Variants in CSMD1 observed in about 807,000 individuals in gnomAD.
The protein encoded by CSMD1 is CUB and Sushi multiple domains 1.
A neutral mutation model predicts 417.5 loss-of-function variants in CSMD1; 213 were observed. The ratio of observed to expected loss-of-function variants is 0.51; its 90% CI spans 0.46 to 0.57. CSMD1 has a LOEUF of 0.57. Ranked by LOEUF, CSMD1 falls within the 20% of genes least tolerant of loss-of-function variation. CSMD1 has a pLI of 0.00. For synonymous variants in CSMD1, 2,862 were observed against 1,736.8 expected (o/e 1.65, Z -16.11); for missense variants, 6,923 against 4,529.7 (o/e 1.53, Z -15.17).
chr8:3,417,210 A>G (rs184872347), intron 12 of CSMD1, among the ~76,000 whole-genome samples: 84 of 152,348 alleles, frequency 5.5e-4, no homozygotes, highest in Admixed American at 4.8e-3. Context: ...TAGATGTACT[A>G]TGATGATGTT....
chr8:4,265,105 A>C, intron 3 of CSMD1, among the ~76,000 whole-genome samples: 1 of 152,154 alleles, frequency 6.6e-6, no homozygotes, highest in African/African-American at 2.4e-5. Context: ...AGCTCTTCAA[A>C]TTAAGTTGAA....
At chr8:4,658,844 G>C (rs983315445) in intron 1 of CSMD1, among the ~76,000 whole-genome samples, 1 of 152,116 alleles carries the variant, frequency 6.6e-6, no homozygotes, top group Admixed American at 6.6e-5. Flanking sequence ...ATGTTCCTAT[G>C]TGAACATGGT....
intron 3 of CSMD1, among the ~76,000 whole-genome samples, chr8:4,215,731 C>T (rs1447274868): frequency 1.3e-5 from 2 of 152,110 alleles, no homozygotes; most frequent in Non-Finnish European, 2.9e-5. Flanking sequence ...TGTGAATCTT[C>T]ATGAGTAATA....
intron 3 of CSMD1, among the ~76,000 whole-genome samples, chr8:4,324,818 G>C (rs1037258331): frequency 3.9e-5 from 6 of 152,292 alleles, no homozygotes; most frequent in East Asian, 1.9e-4. Context: ...TGTCTTGCTA[G>C]AGAACATAAG....
chr8:3,547,824 GCAAA>G (rs1798739735), intron 10 of CSMD1, among the ~76,000 whole-genome samples: 1 of 152,088 alleles, frequency 6.6e-6, no homozygotes, highest in Non-Finnish European at 1.5e-5. Context: ...TTAAAGACAT[GCAAA>G]CAAAGTTTTT....
chr8:3,702,095 G>A (rs1303596877), intron 7 of CSMD1: 4 of 152,030 alleles, frequency 2.6e-5, no homozygotes, highest in Non-Finnish European at 5.9e-5. Flanking sequence ...TTATAATGTT[G>A]TGTTGTTATT....
chr8:4,237,774 A>G (rs914115227), intron 3 of CSMD1, among the ~76,000 whole-genome samples: 5 of 152,160 alleles, frequency 3.3e-5, no homozygotes, highest in African/African-American at 4.8e-5. Flanking sequence ...CAGCACCTCA[A>G]AGTGCTGAGA....
At chr8:3,928,482 G>A (rs1809906638) in intron 5 of CSMD1, among the ~76,000 whole-genome samples, 1 of 151,960 alleles carries the variant, frequency 6.6e-6, no homozygotes, top group Non-Finnish European at 1.5e-5. Flanking sequence ...AAATAAAAAT[G>A]CAGTTAAGTG....
At chr8:3,984,044 C>T (rs934156969) in intron 5 of CSMD1, among the ~76,000 whole-genome samples, 1 of 65,832 alleles carries the variant, frequency 1.5e-5, no homozygotes, top group African/African-American at 5.4e-5. Context: ...CACGGCAGAT[C>T]TGATGGGGCT....
chr8:3,818,223 C>A (rs1445109209), intron 5 of CSMD1, among the ~76,000 whole-genome samples: 1 of 152,024 alleles, frequency 6.6e-6, no homozygotes, highest in Admixed American at 6.5e-5. Context: ...GCAGAGCCCA[C>A]CCCAAGATGC....
chr8:3,771,244 C>A (rs377022963), intron 5 of CSMD1, among the ~76,000 whole-genome samples: 28 of 152,106 alleles, frequency 1.8e-4, no homozygotes, highest in African/African-American at 6.8e-4. Flanking sequence ...GTGTTTGGCT[C>A]CGTGAGCCAC....
At chr8:4,270,698 C>A (rs990553940) in intron 3 of CSMD1, among the ~76,000 whole-genome samples, 1 of 152,142 alleles carries the variant, frequency 6.6e-6, no homozygotes, top group African/African-American at 2.4e-5. Context: ...ACCGTCTGAT[C>A]CTTATTTTCA....
intron 2 of CSMD1, among the ~76,000 whole-genome samples, chr8:4,440,616 T>C (rs1798412847): frequency 6.6e-6 from 1 of 152,224 alleles, no homozygotes; most frequent in Admixed American, 6.5e-5. Context: ...AGATAGGTAG[T>C]ACCATGCAAT....
rs1201340560 is a variant in CSMD1, at chr8:3,107,676, T to C, written c.6835+42A>G. On this transcript the variant is annotated intron_variant, in intron 45 of 69. Transcript: ENST00000635120. The stretch of plus-strand genomic sequence containing the variant: ...ACAATGAGAAGTGGGTGTAAAAAAA[T>C]GTCGTGCTGAATTCATGGTATTGTA... 3.5e-6 allele frequency: 4 copies of C among 1,139,556 alleles called. No homozygotes were observed. The African/African-American group carries it at 6.3e-5, about 18-fold the overall frequency. The allele number at this position is 1,139,556 out of a possible 1,614,324, so 70.6% of individuals were successfully genotyped here.
intron 6 of CSMD1, among the ~76,000 whole-genome samples, chr8:3,724,576 G>A (rs926055999): frequency 6.6e-6 from 1 of 152,098 alleles, no homozygotes; most frequent in Non-Finnish European, 1.5e-5. Context: ...CCTCTGGGCT[G>A]GGAGAGGAAT....
At chr8:4,695,879 A>G (rs1239270761) in intron 1 of CSMD1, among the ~76,000 whole-genome samples, 1 of 152,228 alleles carries the variant, frequency 6.6e-6, no homozygotes, top group Non-Finnish European at 1.5e-5. Context: ...TCTTTTGAAC[A>G]TGAGAAACCC....
At chr8:4,473,426 C>T (rs762672448) in intron 2 of CSMD1, among the ~76,000 whole-genome samples, 6 of 152,142 alleles carry the variant, frequency 3.9e-5, no homozygotes, top group Non-Finnish European at 8.8e-5. Context: ...AGTCAGCTTA[C>T]CTGAGTATTA....
intron 4 of CSMD1, among the ~76,000 whole-genome samples, chr8:4,018,966 T>G (rs1796654717): frequency 6.6e-6 from 1 of 152,346 alleles, no homozygotes; most frequent in Non-Finnish European, 1.5e-5. Flanking sequence ...TGACATTTTG[T>G]GATTGCTTTG....
At chr8:3,234,116 G>A (rs1799013480) in intron 26 of CSMD1, among the ~76,000 whole-genome samples, 1 of 152,110 alleles carries the variant, frequency 6.6e-6, no homozygotes, top group Non-Finnish European at 1.5e-5. Context: ...CTGAGCCAAG[G>A]GACTCTGAGA....
Sources: gnomAD v4.1 joint callset for allele counts (sites outside exome capture counted in the v4.1 genomes callset) on GRCh38, gnomAD v4.1.1 for gene constraint, MANE v1.5 for transcripts, NCBI Gene and HGNC (gene_info 2026-07-23, HGNC 2026-07-21) for gene names.